HPSE2: variants seen among roughly 807,000 people sequenced by gnomAD.
The protein encoded by HPSE2 is heparanase 2 (inactive).
In HPSE2, 38 loss-of-function variants were observed where a neutral mutation model predicts 60.5. The observed-to-expected ratio is 0.63, with a 90% CI of 0.48 to 0.82. The LOEUF (loss-of-function observed/expected upper bound fraction) is 0.82, where lower values mean the gene tolerates loss of function less well. HPSE2 is among the 40% of genes least tolerant of loss of function. The probability of loss-of-function intolerance (pLI) is 0.00; values close to 1 mark genes in which losing one functional copy is unlikely to be tolerated. For missense variants in HPSE2, 713 were observed against 740.4 expected (o/e 0.96, Z 0.43); for synonymous variants, 295 against 293.2 (o/e 1.01, Z -0.06).
At chr10:99,053,142 T>C (rs992168823) in intron 3 of HPSE2, among the ~76,000 whole-genome samples, 3 of 151,968 alleles carry the variant, frequency 2.0e-5, no homozygotes, top group Non-Finnish European at 4.4e-5. Flanking sequence ...ACAATAAAAA[T>C]TGGTAGTTTA....
At chr10:99,135,703 G>A (rs556418454) in intron 3 of HPSE2, among the ~76,000 whole-genome samples, 2 of 152,254 alleles carry the variant, frequency 1.3e-5, no homozygotes, top group African/African-American at 4.8e-5. Flanking sequence ...TTAAAGCAGT[G>A]TGTACAGAGA....
At chr10:99,210,566 T>A (rs1003913280) in intron 2 of HPSE2, among the ~76,000 whole-genome samples, 8 of 152,162 alleles carry the variant, frequency 5.3e-5, no homozygotes, top group African/African-American at 1.7e-4. Flanking sequence ...AAGAGAATCA[T>A]TCACCATGAA....
intron 9 of HPSE2, among the ~76,000 whole-genome samples, chr10:98,491,954 G>C (rs1226035971): frequency 6.6e-6 from 1 of 152,304 alleles, no homozygotes; most frequent in South Asian, 2.1e-4. Flanking sequence ...CACTCACAAA[G>C]CATTTAGAAC....
At chr10:99,136,301 T>TACC (rs1845649904) in intron 3 of HPSE2, among the ~76,000 whole-genome samples, 1 of 152,192 alleles carries the variant, frequency 6.6e-6, no homozygotes, top group South Asian at 2.1e-4. Context: ...AGCCGAATTC[T>TACC]ACCAGAGGTA....
intron 9 of HPSE2, among the ~76,000 whole-genome samples, chr10:98,596,728 T>C (rs1360581668): frequency 6.6e-6 from 1 of 152,198 alleles, no homozygotes; most frequent in African/African-American, 2.4e-5. Flanking sequence ...GCTATCCTTA[T>C]TGGAACTCCC....
At chr10:98,492,393 T>A (rs770201005) in intron 9 of HPSE2, among the ~76,000 whole-genome samples, 17 of 151,402 alleles carry the variant, frequency 1.1e-4, no homozygotes, top group Non-Finnish European at 2.1e-4. Flanking sequence ...TCCCAGCTAC[T>A]CGGGAGGCTG....
intron 9 of HPSE2, among the ~76,000 whole-genome samples, chr10:98,496,874 G>GT (rs1408995707): frequency 7.3e-5 from 11 of 150,926 alleles, no homozygotes; most frequent in Non-Finnish European, 1.3e-4. Flanking sequence ...ACTTTTTATG[G>GT]TTTTTTGACA....
intron 2 of HPSE2, among the ~76,000 whole-genome samples, chr10:99,193,636 T>C (rs917571655): frequency 6.6e-6 from 1 of 152,124 alleles, no homozygotes; most frequent in African/African-American, 2.4e-5. Context: ...AGAGTAGCTA[T>C]GTTTATATCA....
chr10:98,856,033 C>A (rs1952306020), intron 3 of HPSE2, among the ~76,000 whole-genome samples: 1 of 152,082 alleles, frequency 6.6e-6, no homozygotes, highest in Non-Finnish European at 1.5e-5. Flanking sequence ...CCAATAAAAT[C>A]CAAACCATAA....
intron 3 of HPSE2, among the ~76,000 whole-genome samples, chr10:98,887,440 G>A (rs1038138045): frequency 3.9e-5 from 6 of 152,082 alleles, no homozygotes; most frequent in Admixed American, 6.6e-5. Context: ...TTTTAAAAAC[G>A]TGAACCATGT....
intron 3 of HPSE2, among the ~76,000 whole-genome samples, chr10:99,100,487 C>A (rs140482332): frequency 6.6e-6 from 1 of 152,150 alleles, no homozygotes; most frequent in Non-Finnish European, 1.5e-5. Context: ...AAATAGGGGA[C>A]TATGTGAAAA....
At chr10:99,275,582 C>T in the HPSE2 span, among the ~76,000 whole-genome samples, 1 of 152,150 alleles carries the variant, frequency 6.6e-6, no homozygotes, top group African/African-American at 2.4e-5. Flanking sequence ...ACCATCCCAG[C>T]AACAGCTCCT....
At chr10:98,564,156 G>A (rs1405726844) in intron 9 of HPSE2, among the ~76,000 whole-genome samples, 1 of 152,164 alleles carries the variant, frequency 6.6e-6, no homozygotes, top group Non-Finnish European at 1.5e-5. Context: ...AACCTAGCTA[G>A]TGCTGTTGTC....
chr10:98,636,318 C>A (rs1946500194), intron 7 of HPSE2, among the ~76,000 whole-genome samples: 1 of 151,700 alleles, frequency 6.6e-6, no homozygotes, highest in Non-Finnish European at 1.5e-5. Context: ...TGGCTCACTG[C>A]AACCTCCGCC....
intron 3 of HPSE2, among the ~76,000 whole-genome samples, chr10:98,779,456 C>T (rs550812593): frequency 6.6e-6 from 1 of 152,212 alleles, no homozygotes; most frequent in South Asian, 2.1e-4. Flanking sequence ...AGGAGAGGTA[C>T]CACTTTCCAC....
chr10:98,938,194 A>G (rs1310943362), intron 3 of HPSE2, among the ~76,000 whole-genome samples: 1 of 144,956 alleles, frequency 6.9e-6, no homozygotes, highest in African/African-American at 2.8e-5. Context: ...CTCCTCCTCC[A>G]AAGGAACGCA....
intron 9 of HPSE2, among the ~76,000 whole-genome samples, chr10:98,574,573 GA>G (rs2133905711): frequency 6.6e-6 from 1 of 152,276 alleles, no homozygotes; most frequent in East Asian, 1.9e-4. Context: ...GAAGAATCTG[GA>G]ACCACTCTGA....
chr10:99,310,884 C>T, the HPSE2 span, among the ~76,000 whole-genome samples: 8 of 152,178 alleles, frequency 5.3e-5, no homozygotes, highest in Admixed American at 4.6e-4. Flanking sequence ...CTGCCTCGGC[C>T]TCCCAAAGTG....
intron 3 of HPSE2, among the ~76,000 whole-genome samples, chr10:98,807,919 G>A (rs1011132303): frequency 5.9e-5 from 9 of 152,072 alleles, no homozygotes; most frequent in Admixed American, 4.6e-4. Flanking sequence ...TTTAATGATG[G>A]AGTCACTGTG....
Sources: allele counts gnomAD v4.1 joint callset (sites outside exome capture counted in the v4.1 genomes callset), GRCh38; gene constraint gnomAD v4.1.1; transcripts MANE v1.5; gene names NCBI Gene and HGNC (gene_info 2026-07-23, HGNC 2026-07-21).